Variants in CHST11 observed in about 807,000 individuals in gnomAD.
CHST11 encodes carbohydrate sulfotransferase 11, also known as C4S-1.
In CHST11, 9 loss-of-function variants were observed where a neutral mutation model predicts 30.4. The observed-to-expected ratio is 0.30, with a 90% CI of 0.18 to 0.52. The LOEUF (loss-of-function observed/expected upper bound fraction) is 0.52. Among genes scored for constraint, CHST11 ranks in the 20% least tolerant of loss-of-function variants. The pLI is 0.97. For synonymous variants in CHST11, 152 were observed against 187.8 expected (o/e 0.81, Z 1.56); for missense variants, 348 against 460.6 (o/e 0.76, Z 2.24).
In CHST11 at chr12:104,461,095, T is replaced by C. The variant is rs922054593; in HGVS notation, c.118+3566T>C. On this transcript the variant is annotated intron_variant, in intron 1 of 2. Coordinates refer to ENST00000303694, the MANE Select transcript of CHST11 (RefSeq NM_018413.6). ...GCCAAGAATGCCTGGTCAATAACTC[T>C]GGCTCTGTCTGGTGGGGAAACTTCC... 1.4e-4 allele frequency among the ~76,000 whole-genome samples: 21 copies of C among 152,308 alleles called. No homozygotes were observed. In the South Asian group the frequency reaches 4.1e-3, roughly 30 times the overall value.
intron 2 of CHST11, among the ~76,000 whole-genome samples, chr12:104,711,494 C>T (rs1273400307): frequency 1.3e-5 from 2 of 151,992 alleles, no homozygotes; most frequent in African/African-American, 4.8e-5. Flanking sequence ...TCCTTAATGG[C>T]GATTTCCCAA....
chr12:104,626,435 A>G (rs1169657292), intron 2 of CHST11, among the ~76,000 whole-genome samples: 1 of 152,198 alleles, frequency 6.6e-6, no homozygotes, highest in African/African-American at 2.4e-5. Flanking sequence ...CCTTAAAAGC[A>G]GCATTCACCG....
chr12:104,701,818 G>A (rs1204180678), intron 2 of CHST11, among the ~76,000 whole-genome samples: 1 of 152,244 alleles, frequency 6.6e-6, no homozygotes, highest in African/African-American at 2.4e-5. Flanking sequence ...ACTGAGCAGG[G>A]AAGGTGCAGC....
At chr12:104,587,006 A>G (rs1415346348) in intron 1 of CHST11, among the ~76,000 whole-genome samples, 1 of 152,194 alleles carries the variant, frequency 6.6e-6, no homozygotes, top group Non-Finnish European at 1.5e-5. Flanking sequence ...GGGACAATTT[A>G]TGCTGAGGTT....
intron 2 of CHST11, among the ~76,000 whole-genome samples, chr12:104,716,988 C>T (rs1566051462): frequency 6.6e-6 from 1 of 152,206 alleles, no homozygotes; most frequent in Non-Finnish European, 1.5e-5. Context: ...ATCCTCAGAG[C>T]CGGCAATGGC....
At chr12:104,506,640 G>T (rs1453549268) in intron 1 of CHST11, among the ~76,000 whole-genome samples, 1 of 152,176 alleles carries the variant, frequency 6.6e-6, no homozygotes, top group East Asian at 1.9e-4. Context: ...CCTAGTCCAG[G>T]TGCTAAATTT....
At chr12:104,692,888 A>G (rs1479790391) in intron 2 of CHST11, among the ~76,000 whole-genome samples, 3 of 150,972 alleles carry the variant, frequency 2.0e-5, no homozygotes, top group Non-Finnish European at 2.9e-5. Context: ...TAAAAAAAAA[A>G]AACAAAAAAA....
chr12:104,475,688 A>ATATATATATATATATATATATATATATT (rs1555226434), intron 1 of CHST11, among the ~76,000 whole-genome samples: 9 of 78,446 alleles, frequency 1.1e-4, no homozygotes, highest in Admixed American at 1.9e-4. Context: ...ATATATATAT[A>ATATATATATATATATATATATATATATT]TATTTCTGAT....
intron 2 of CHST11, among the ~76,000 whole-genome samples, chr12:104,612,216 C>A (rs1016991637): frequency 6.6e-6 from 1 of 152,226 alleles, no homozygotes; most frequent in African/African-American, 2.4e-5. Flanking sequence ...GTGGCTTAGA[C>A]AATAGAAATG....
chr12:104,706,169 A>G (rs2040032568), intron 2 of CHST11, among the ~76,000 whole-genome samples: 1 of 151,718 alleles, frequency 6.6e-6, no homozygotes, highest in African/African-American at 2.4e-5. Flanking sequence ...AGATCACCTG[A>G]GGTCAGGAGC....
At position 104,571,589 on chromosome 12, in the gene CHST11, G is replaced by A. The variant is rs1592769000; in HGVS notation, c.119-30317G>A. Among the ~76,000 whole-genome samples the A allele has an allele frequency of 2.0e-5, 3 of 152,318 alleles. No homozygotes were observed. The South Asian group carries it at 6.2e-4, about 32-fold the overall frequency. The stretch of plus-strand genomic sequence containing the variant: ...CTTTGATCAGAGAGGGTCATGGCTT[G>A]TGAGGATCACCACACAAGAGGAAGT... On this transcript the variant is annotated intron_variant, in intron 1 of 2. Transcript: ENST00000303694.
intron 2 of CHST11, among the ~76,000 whole-genome samples, chr12:104,663,774 C>A (rs1257845601): frequency 6.6e-6 from 1 of 152,174 alleles, no homozygotes; most frequent in Non-Finnish European, 1.5e-5. Flanking sequence ...TAAGAATGCC[C>A]TTCCCCCTTT....
At chr12:104,575,993 C>T (rs939049525) in intron 1 of CHST11, among the ~76,000 whole-genome samples, 3 of 151,626 alleles carry the variant, frequency 2.0e-5, no homozygotes, top group African/African-American at 4.8e-5. Context: ...CCATGGCCCT[C>T]GGGTGGGTGG....
At chr12:104,653,588 C>T (rs1007703530) in intron 2 of CHST11, among the ~76,000 whole-genome samples, 14 of 152,188 alleles carry the variant, frequency 9.2e-5, no homozygotes, top group African/African-American at 2.7e-4. Flanking sequence ...TAAATGTGGA[C>T]CACCATCATA....
chr12:104,540,084 T>G (rs2038272671), intron 1 of CHST11, among the ~76,000 whole-genome samples: 1 of 152,204 alleles, frequency 6.6e-6, no homozygotes, highest in African/African-American at 2.4e-5. Context: ...CATCACTTCG[T>G]TTGTGTGACT....
At chr12:104,648,095 A>G (rs1177421067) in intron 2 of CHST11, among the ~76,000 whole-genome samples, 1 of 152,180 alleles carries the variant, frequency 6.6e-6, no homozygotes, top group East Asian at 1.9e-4. Flanking sequence ...ATGTGTACAT[A>G]AGGTATGAAT....
intron 1 of CHST11, among the ~76,000 whole-genome samples, chr12:104,487,397 G>A (rs2037691717): frequency 6.6e-6 from 1 of 152,270 alleles, no homozygotes; most frequent in South Asian, 2.1e-4. Context: ...AACTAGCTGG[G>A]ACTACAGGCA....
Position 104,600,841 on chromosome 12 carries a change from A to G in CHST11, c.119-1065A>G, listed in dbSNP as rs1023502901. Among the ~76,000 whole-genome samples, 3 of 149,214 alleles carry G rather than the reference A, an allele frequency of 2.0e-5. No homozygotes were observed. Among genetic ancestry groups the G allele is most frequent in the African/African-American group, 7.4e-5 (3 of 40,532 alleles). On this transcript the variant is annotated intron_variant, in intron 1 of 2. Transcript: ENST00000303694. This position sits in a 1 kb window ranked among gnomAD's most constrained non-coding sequence, Gnocchi z 4.1. ...AGAAAGCCCCATTTATTCTTCCCCC[A>G]TCTCTCTTTTTTCCCTCTCTCCTTC...
chr12:104,753,502 A>C (rs1177562966), intron 2 of CHST11, among the ~76,000 whole-genome samples: 1 of 152,242 alleles, frequency 6.6e-6, no homozygotes, highest in Non-Finnish European at 1.5e-5. Flanking sequence ...GCATATGCCT[A>C]GTGTCACTTA....
Sources: gnomAD v4.1 joint callset for allele counts (sites outside exome capture counted in the v4.1 genomes callset) on GRCh38, gnomAD v4.1.1 for gene constraint, Gnocchi (gnomAD v3.1) non-coding constraint, MANE v1.5 for transcripts, NCBI Gene and HGNC (gene_info 2026-07-23, HGNC 2026-07-21) for gene names.